The following FSTL4 variants were observed in gnomAD, a reference collection of about 807,000 sequenced individuals.
FSTL4 encodes the protein follistatin like 4, also known as follistatin-related protein 4.
In FSTL4, 28 loss-of-function variants were observed where a neutral mutation model predicts 78.2. That is an observed-to-expected ratio of 0.36 (90% CI 0.27 to 0.49). The LOEUF is 0.49. Ranked by LOEUF, FSTL4 falls within the 20% of genes least tolerant of loss-of-function variation. FSTL4 has a pLI of 0.98. For missense variants in FSTL4, 922 were observed against 1,084.9 expected, an observed-to-expected ratio of 0.85 and a Z score of 2.11; for synonymous variants, 422 against 440.5, an observed-to-expected ratio of 0.96 and a Z score of 0.53.
At chr5:133,324,658 C>T (rs1447548253) in intron 4 of FSTL4, among the ~76,000 whole-genome samples, 1 of 152,238 alleles carries the variant, frequency 6.6e-6, no homozygotes, top group Non-Finnish European at 1.5e-5. Flanking sequence ...GTACCCCCAG[C>T]ACCTGGCCCA....
chr5:133,287,909 C>A (rs1753174235), intron 6 of FSTL4, among the ~76,000 whole-genome samples: 1 of 152,182 alleles, frequency 6.6e-6, no homozygotes, highest in South Asian at 2.1e-4. Flanking sequence ...AAGCACTCTG[C>A]ATCTCTCCCT....
chr5:133,300,465 T>A (rs1753509027), intron 6 of FSTL4, among the ~76,000 whole-genome samples: 1 of 152,172 alleles, frequency 6.6e-6, no homozygotes, highest in Non-Finnish European at 1.5e-5. Flanking sequence ...TCCCCTACTG[T>A]GCCCTGAGCA....
rs1414867536 is a variant in FSTL4, at chr5:133,250,507, C to T, written c.728-931G>A. On this transcript the variant is annotated intron_variant, in intron 6 of 15. Transcript: ENST00000265342. ...CTCGGTGCAGTGGGTACTATTTTGT[C>T]TATTCCCTATTCATGCTTACGACTC... Among the ~76,000 whole-genome samples, 3 of 152,238 alleles carry T rather than the reference C, an allele frequency of 2.0e-5. No individual in the cohort carries two copies. In the East Asian group the frequency reaches 5.8e-4, roughly 29 times the overall value.
intron 4 of FSTL4, among the ~76,000 whole-genome samples, chr5:133,343,158 T>G (rs1754620584): frequency 6.6e-6 from 1 of 152,172 alleles, no homozygotes; most frequent in South Asian, 2.1e-4. Flanking sequence ...CTTTTTTATT[T>G]CAGTTAGCAA....
chr5:133,260,800 C>T (rs1389017491), intron 6 of FSTL4, among the ~76,000 whole-genome samples: 2 of 152,224 alleles, frequency 1.3e-5, no homozygotes, highest in Non-Finnish European at 2.9e-5. Flanking sequence ...GCACTGGCCC[C>T]TGATGGCCTG....
chr5:133,821,457 C>T, the FSTL4 span, among the ~76,000 whole-genome samples: 1 of 152,232 alleles, frequency 6.6e-6, no homozygotes, highest in African/African-American at 2.4e-5. Flanking sequence ...AATTTACACC[C>T]ACTGTTCCAG....
chr5:133,809,292 A>C, the FSTL4 span, among the ~76,000 whole-genome samples: 1 of 146,972 alleles, frequency 6.8e-6, no homozygotes, highest in Non-Finnish European at 1.5e-5. Flanking sequence ...GCTTGAACCC[A>C]GGAGGTGGAG....
intron 4 of FSTL4, among the ~76,000 whole-genome samples, chr5:133,334,549 GTTCTCTGTGGAAGTTCACTGAGC>G (rs1182181368): frequency 6.6e-6 from 1 of 152,168 alleles, no homozygotes. Flanking sequence ...ACGCAGATAT[GTTCTCTGTGGAAGTTCACTGAGC>G]TATACACTTA....
At chr5:133,272,590 A>G (rs1345759988) in intron 6 of FSTL4, among the ~76,000 whole-genome samples, 1 of 152,268 alleles carries the variant, frequency 6.6e-6, no homozygotes, top group East Asian at 1.9e-4. Context: ...ATTGCAACAT[A>G]TTACTAAGCT....
At chr5:133,619,943 A>G in the FSTL4 span, among the ~76,000 whole-genome samples, 9 of 152,254 alleles carry the variant, frequency 5.9e-5, no homozygotes, top group Non-Finnish European at 1.3e-4. Context: ...TAATGCAATC[A>G]TTAATAACAT....
rs2112987925 is a variant in FSTL4, at chr5:133,611,717, C to T, written c.-11+608G>A. ...TCGGGTCGTGCCCTGATTCCTTCCT[C>T]CCCAGCCTCACATGCGGCGGACCCC... On this transcript the variant is annotated intron_variant, in intron 1 of 15. Transcript: ENST00000265342. The surrounding 1 kb of genome is among the most constrained non-coding windows in gnomAD (Gnocchi z 4.9). Among the ~76,000 whole-genome samples, 1 of 152,324 alleles carries T rather than the reference C, an allele frequency of 6.6e-6. No homozygotes were observed. The highest frequency in any genetic ancestry group is 2.1e-4 in the South Asian group (1 of 4,830).
chr5:133,431,210 C>A (rs1353780856), intron 3 of FSTL4, among the ~76,000 whole-genome samples: 6 of 152,196 alleles, frequency 3.9e-5, no homozygotes, highest in African/African-American at 9.7e-5. Context: ...TCACTCCAGG[C>A]AGCCACTACC....
chr5:133,401,677 G>A (rs1331437559), intron 3 of FSTL4, among the ~76,000 whole-genome samples: 1 of 152,214 alleles, frequency 6.6e-6, no homozygotes, highest in Non-Finnish European at 1.5e-5. Flanking sequence ...AGCTAAGTTT[G>A]GAAGAAGTAA....
chr5:133,701,196 A>T, the FSTL4 span, among the ~76,000 whole-genome samples: 1 of 151,960 alleles, frequency 6.6e-6, no homozygotes, highest in South Asian at 2.1e-4. Context: ...TGAGGTCAGG[A>T]GTTCAACAGC....
the FSTL4 span, among the ~76,000 whole-genome samples, chr5:133,689,872 C>T: frequency 2.6e-5 from 4 of 152,154 alleles, no homozygotes; most frequent in African/African-American, 9.6e-5. Flanking sequence ...ACCAGCCTGA[C>T]CAACATGGTG....
At chr5:133,746,494 G>A in the FSTL4 span, among the ~76,000 whole-genome samples, 1 of 152,238 alleles carries the variant, frequency 6.6e-6, no homozygotes, top group African/African-American at 2.4e-5. Flanking sequence ...ATCTGGAAAA[G>A]TGCTTTCCAG....
intron 3 of FSTL4, among the ~76,000 whole-genome samples, chr5:133,443,731 A>G (rs1757207517): frequency 6.6e-6 from 1 of 152,174 alleles, no homozygotes. Context: ...ATTACTGCCC[A>G]TAGGGACCCT....
chr5:133,363,789 C>T lies in FSTL4; in HGVS notation c.409+36949G>A, dbSNP rs2126936681. Among the ~76,000 whole-genome samples, 2 of 152,194 alleles carry T rather than the reference C, an allele frequency of 1.3e-5. 1 individual carries two copies. The highest frequency in any genetic ancestry group is 6.8e-3 in the Middle Eastern group (2 of 294). ...TTGGTCGAGCTGCAATTTCACATCC[C>T]AAGGGTTGTCTAAAATGAGGGCTGC... On this transcript the variant is annotated intron_variant, in intron 4 of 15. Coordinates refer to ENST00000265342, the MANE Select transcript of FSTL4 (RefSeq NM_015082.2).
intron 3 of FSTL4, among the ~76,000 whole-genome samples, chr5:133,434,770 TA>T (rs1160915489): frequency 1.6e-4 from 24 of 152,202 alleles, no homozygotes; most frequent in Non-Finnish European, 2.5e-4. Context: ...CTATCCTTGC[TA>T]AAACTGAATT....
Sources: allele counts gnomAD v4.1 joint callset (sites outside exome capture counted in the v4.1 genomes callset), GRCh38; gene constraint gnomAD v4.1.1; non-coding constraint Gnocchi (gnomAD v3.1); transcripts MANE v1.5; gene names NCBI Gene and HGNC (gene_info 2026-07-23, HGNC 2026-07-21).